Variants in FRMPD4 observed in about 807,000 individuals in gnomAD.
The protein encoded by FRMPD4 is FERM and PDZ domain containing 4, also known as FERM and PDZ domain-containing protein 4.
A neutral mutation model predicts 94.1 loss-of-function variants in FRMPD4; 22 were observed. That is an observed-to-expected ratio of 0.23 (90% CI 0.17 to 0.33). The LOEUF (loss-of-function observed/expected upper bound fraction) is 0.33, where lower values mean the gene tolerates loss of function less well. Ranked by LOEUF, FRMPD4 falls within the 10% of genes least tolerant of loss-of-function variation. The pLI is 1.00. For synonymous variants in FRMPD4, 631 were observed against 548.6 expected (o/e 1.15, Z -2.10); for missense variants, 1,111 against 1,339.9 (o/e 0.83, Z 2.67).
At chrX:12,059,964 C>T (rs1316281552) in intron 3 of FRMPD4, among the ~76,000 whole-genome samples, 1 of 111,609 alleles carries the variant, frequency 9.0e-6, no homozygotes, top group Non-Finnish European at 1.9e-5. Context: ...GGGTATCTAT[C>T]CTCTGGCTGG....
intron 2 of FRMPD4, among the ~76,000 whole-genome samples, chrX:12,571,457 C>T (rs754181757): frequency 6.2e-5 from 7 of 112,649 alleles, no homozygotes; most frequent in Non-Finnish European, 1.3e-4. Context: ...CCTGTTTCCC[C>T]TTTCTCCTAG....
chrX:11,875,137 T>A (rs1234766690), intron 2 of FRMPD4, among the ~76,000 whole-genome samples: 1 of 112,846 alleles, frequency 8.9e-6, no homozygotes, highest in Admixed American at 9.3e-5. Flanking sequence ...TCATAAATGA[T>A]TTTAAAGGCA....
At chrX:12,045,417 G>A (rs2054780051) in intron 3 of FRMPD4, among the ~76,000 whole-genome samples, 1 of 111,490 alleles carries the variant, frequency 9.0e-6, no homozygotes, top group Non-Finnish European at 1.9e-5. Context: ...GGCTTTTCAA[G>A]GTTGTTTTTC....
chrX:12,361,257 T>G (rs1009102878), intron 1 of FRMPD4, among the ~76,000 whole-genome samples: 15 of 112,583 alleles, frequency 1.3e-4, no homozygotes, highest in African/African-American at 4.8e-4. Context: ...CAAAGAATAC[T>G]TCTGTTTGGT....
At chrX:12,476,799 A>C (rs924225794) in intron 1 of FRMPD4, among the ~76,000 whole-genome samples, 1 of 111,682 alleles carries the variant, frequency 9.0e-6, no homozygotes, top group Non-Finnish European at 1.9e-5. Flanking sequence ...GGTGATCATT[A>C]AAAAGTCAGG....
At chrX:11,962,840 A>G (rs1480622188) in intron 3 of FRMPD4, among the ~76,000 whole-genome samples, 2 of 111,860 alleles carry the variant, frequency 1.8e-5, no homozygotes, top group African/African-American at 6.5e-5. Context: ...CTAAATAACA[A>G]TAACTTACCT....
intron 1 of FRMPD4, among the ~76,000 whole-genome samples, chrX:12,157,103 T>C (rs2055947509): frequency 9.1e-6 from 1 of 109,991 alleles, no homozygotes; most frequent in Non-Finnish European, 1.9e-5. Context: ...TCCACATATA[T>C]AACATGTGTG....
In FRMPD4 at chrX:12,686,079, C is replaced by T; in HGVS notation, c.574-18C>T. 1 of 879,142 alleles carries T rather than the reference C, an allele frequency of 1.1e-6. No individual in the cohort carries two copies. Among genetic ancestry groups the T allele is most frequent in the South Asian group, 2.1e-5 (1 of 47,346 alleles). The allele number at this position is 879,142 out of a possible 1,213,427, so 72.5% of individuals were successfully genotyped here. A position where few individuals can be genotyped will look rare whatever the true frequency, so the allele number is the denominator to read the frequency against. On this transcript the variant is annotated intron_variant, in intron 6 of 16. Coordinates refer to ENST00000675598, the MANE Select transcript of FRMPD4 (RefSeq NM_001368397.1). The stretch of plus-strand genomic sequence containing the variant: ...TAATTTGATCAATTTATGCCCTGCC[C>T]TTTTTTTTGTTAAACAGGAAACTGT...
At chrX:12,630,508 G>A (rs1371021711) in intron 4 of FRMPD4, among the ~76,000 whole-genome samples, 1 of 112,201 alleles carries the variant, frequency 8.9e-6, no homozygotes, top group Non-Finnish European at 1.9e-5. Flanking sequence ...AAATGAAGCA[G>A]AGGCTTTTAG....
chrX:12,162,340 C>G (rs780005483), intron 1 of FRMPD4, among the ~76,000 whole-genome samples: 2 of 112,060 alleles, frequency 1.8e-5, no homozygotes, highest in Non-Finnish European at 3.8e-5. Context: ...CAATAGCAAG[C>G]TTAAGAAAGT....
At chrX:12,495,407 G>A (rs2057837101) in intron 1 of FRMPD4, among the ~76,000 whole-genome samples, 1 of 112,143 alleles carries the variant, frequency 8.9e-6, no homozygotes, top group Non-Finnish European at 1.9e-5. Context: ...GGGGGTTAGG[G>A]AGATGAAGTA....
intron 1 of FRMPD4, among the ~76,000 whole-genome samples, chrX:12,362,184 TTTTTTTAGTTTTTA>T (rs1948111330): frequency 9.0e-6 from 1 of 110,525 alleles, no homozygotes; most frequent in African/African-American, 3.3e-5. Flanking sequence ...GATTCTTTTT[TTTTTTTAGTTTTTA>T]TTTTTTTATT....
At chrX:12,084,182 G>GGGT (rs1555921474) in intron 3 of FRMPD4, among the ~76,000 whole-genome samples, 1 of 100,292 alleles carries the variant, frequency 1.0e-5, no homozygotes, top group Non-Finnish European at 2.0e-5. Context: ...CCCAGTGGGG[G>GGGT]GGGGGGTAAT....
intron 4 of FRMPD4, among the ~76,000 whole-genome samples, chrX:12,662,004 A>G (rs2059718947): frequency 9.0e-6 from 1 of 111,360 alleles, no homozygotes; most frequent in Non-Finnish European, 1.9e-5. Flanking sequence ...AGGTGGGAAG[A>G]GAAAATAAAA....
chrX:12,270,147 A>T (rs1441116078), intron 1 of FRMPD4, among the ~76,000 whole-genome samples: 1 of 111,907 alleles, frequency 8.9e-6, no homozygotes, highest in African/African-American at 3.2e-5. Flanking sequence ...TATGGGCCAC[A>T]TGTAGAATTT....
At chrX:12,601,912 C>T (rs758398675) in intron 2 of FRMPD4, among the ~76,000 whole-genome samples, 4 of 111,000 alleles carry the variant, frequency 3.6e-5, no homozygotes, top group Non-Finnish European at 7.5e-5. Flanking sequence ...GCTTCCTCAG[C>T]CAAGCTGCTC....
At position 12,716,011 on chromosome X, in the gene FRMPD4, G is replaced by A. The variant is rs373794581; in HGVS notation, c.1610-58G>A. 179 of 138,683 alleles carry A rather than the reference G, an allele frequency of 1.3e-3. 1 individual carries two copies. Among genetic ancestry groups the A allele is most frequent in the African/African-American group, 8.9e-3 (114 of 12,851 alleles). 11.4% of individuals were successfully genotyped at this position (138,683 alleles called of 1,213,427 possible). On this transcript the variant is annotated intron_variant, in intron 14 of 16. Transcript: ENST00000675598. Reference sequence around the variant, plus strand: ...AAACAGAGACGAGCCTCCCACCCCCGCCCCACCCAAAACCAGACAGTACAG... The same window carrying A: ...AAACAGAGACGAGCCTCCCACCCCCACCCCACCCAAAACCAGACAGTACAG...
intron 1 of FRMPD4, among the ~76,000 whole-genome samples, chrX:12,410,614 T>G (rs1320807391): frequency 1.8e-5 from 2 of 111,697 alleles, no homozygotes; most frequent in Non-Finnish European, 3.8e-5. Context: ...AAATTGATCC[T>G]GCCCACAGTC....
intron 3 of FRMPD4, among the ~76,000 whole-genome samples, chrX:11,890,807 C>A (rs2053869556): frequency 8.9e-6 from 1 of 112,422 alleles, no homozygotes; most frequent in Non-Finnish European, 1.9e-5. Flanking sequence ...GTGAAGGAGT[C>A]TAAATGTTTA....
Sources: gnomAD v4.1 joint callset for allele counts (sites outside exome capture counted in the v4.1 genomes callset) on GRCh38, gnomAD v4.1.1 for gene constraint, MANE v1.5 for transcripts, NCBI Gene and HGNC (gene_info 2026-07-23, HGNC 2026-07-21) for gene names.